Variants in TTC39B observed in about 807,000 individuals in gnomAD.
TTC39B encodes tetratricopeptide repeat protein 39B.
A neutral mutation model predicts 96.6 loss-of-function variants in TTC39B; 92 were observed. That is an observed-to-expected ratio of 0.95 (90% CI 0.80 to 1.13). The LOEUF is 1.13. TTC39B is among the 50% of genes most tolerant of loss of function. The pLI, the probability that TTC39B is intolerant of heterozygous loss-of-function variation, is 0.00. For synonymous variants in TTC39B, 367 were observed against 299.4 expected (o/e 1.23, Z -2.33); for missense variants, 955 against 809.3 (o/e 1.18, Z -2.18).
intron 17 of TTC39B, 28 bp from the exon 18 acceptor site, chr9:15,177,842 C>A: frequency 7.3e-6 from 9 of 1,238,682 alleles, no homozygotes; most frequent in Non-Finnish European, 9.1e-6. Flanking sequence ...ACAAAGAAAA[C>A]ACACAAAGAA....
intron 13 of TTC39B, among the ~76,000 whole-genome samples, chr9:15,188,480 A>C (rs1277378801): frequency 2.0e-5 from 3 of 152,246 alleles, no homozygotes; most frequent in Non-Finnish European, 2.9e-5. Context: ...GACAGGAAGA[A>C]GATGTCACTA....
At chr9:15,249,841 A>C in intron 2 of TTC39B, 1 of 1,082,672 alleles carries the variant, frequency 9.2e-7, no homozygotes, top group South Asian at 2.1e-5. Context: ...GCCTTCCTTA[A>C]ATTAAACCCT....
chr9:15,265,138 T>G (rs2131544960), intron 2 of TTC39B, among the ~76,000 whole-genome samples: 1 of 152,314 alleles, frequency 6.6e-6, no homozygotes, highest in South Asian at 2.1e-4. Context: ...CTAAATTAAC[T>G]TCAGCTGGGT....
chr9:15,218,607 G>C (rs1820659927), intron 3 of TTC39B, among the ~76,000 whole-genome samples: 1 of 142,218 alleles, frequency 7.0e-6, no homozygotes, highest in South Asian at 2.2e-4. Context: ...GTTAAGTTAA[G>C]GCAGGATGAA....
intron 2 of TTC39B, among the ~76,000 whole-genome samples, chr9:15,227,398 A>G (rs1209624627): frequency 6.6e-6 from 1 of 151,652 alleles, no homozygotes; most frequent in African/African-American, 2.4e-5. Context: ...TTCCCAATGC[A>G]CTCTAATATT....
intron 3 of TTC39B, among the ~76,000 whole-genome samples, chr9:15,223,834 G>T (rs568891505): frequency 6.8e-6 from 1 of 147,028 alleles, no homozygotes; most frequent in Non-Finnish European, 1.5e-5. Flanking sequence ...GCACCCACAT[G>T]ACACTCAAAA....
intron 1 of TTC39B, among the ~76,000 whole-genome samples, chr9:15,272,953 C>G (rs1050656901): frequency 2.6e-5 from 4 of 152,184 alleles, no homozygotes; most frequent in Non-Finnish European, 5.9e-5. Context: ...TGAACCCTAC[C>G]TCTGCCTCCA....
In TTC39B at chr9:15,192,970, C is replaced by T. The variant is rs556603275; in HGVS notation, c.825-275G>A. 5.3e-5 allele frequency among the ~76,000 whole-genome samples: 8 copies of T among 152,280 alleles called. No homozygotes were observed. The East Asian group carries it at 1.5e-3, about 29-fold the overall frequency. On this transcript the variant is annotated intron_variant, in intron 8 of 19. Transcript: ENST00000512701. ...CCATTGGCAAGCACCAGCCAGGAGC[C>T]GCAGGACCACAGGCTGCCATCCCAC... is the stretch of plus-strand genomic sequence containing the variant.
intron 11 of TTC39B, among the ~76,000 whole-genome samples, chr9:15,190,287 T>C (rs543313363): frequency 2.6e-5 from 4 of 152,230 alleles, no homozygotes; most frequent in Non-Finnish European, 5.9e-5. Flanking sequence ...TTGCTGATCT[T>C]TCTAAATTTT....
At chr9:15,198,317 C>A (rs1259020708) in intron 8 of TTC39B, among the ~76,000 whole-genome samples, 1 of 151,674 alleles carries the variant, frequency 6.6e-6, no homozygotes, top group Non-Finnish European at 1.5e-5. Flanking sequence ...ATTAGCTGGC[C>A]GTGGTGGTAT....
At chr9:15,305,956 C>T (rs1376918097) in intron 1 of TTC39B, among the ~76,000 whole-genome samples, 1 of 152,068 alleles carries the variant, frequency 6.6e-6, no homozygotes, top group East Asian at 1.9e-4. Flanking sequence ...GACAGCCCGG[C>T]TTGCCCTCTT....
At chr9:15,213,422 C>T (rs1820322137) in intron 4 of TTC39B, among the ~76,000 whole-genome samples, 1 of 152,164 alleles carries the variant, frequency 6.6e-6, no homozygotes, top group Non-Finnish European at 1.5e-5. Context: ...ACACAATTAC[C>T]ATAGCAGCTC....
chr9:15,292,429 G>A (rs185869906), intron 1 of TTC39B, among the ~76,000 whole-genome samples: 22 of 152,242 alleles, frequency 1.4e-4, no homozygotes, highest in Non-Finnish European at 2.2e-4. Context: ...ATACAATTAT[G>A]TATAGTACAG....
At chr9:15,188,603 A>G (rs1326513534) in intron 13 of TTC39B, among the ~76,000 whole-genome samples, 1 of 152,234 alleles carries the variant, frequency 6.6e-6, no homozygotes, top group Non-Finnish European at 1.5e-5. Context: ...GGCAAATCAG[A>G]AAAAAATATA....
chr9:15,198,207 C>G (rs375585364), intron 8 of TTC39B, among the ~76,000 whole-genome samples: 2 of 152,144 alleles, frequency 1.3e-5, no homozygotes, highest in East Asian at 3.9e-4. Context: ...GCCTGTAATC[C>G]CAGCGCTTTG....
Position 15,212,815 on chromosome 9 carries a change from T to G in TTC39B, c.482+1324A>C, listed in dbSNP as rs1231710102. Among the ~76,000 whole-genome samples the G allele has an allele frequency of 2.0e-5, 3 of 152,192 alleles. No individual in the cohort carries two copies. In the East Asian group the frequency reaches 5.8e-4, roughly 29 times the overall value. On this transcript the variant is annotated intron_variant, in intron 4 of 19. Coordinates refer to ENST00000512701, the Ensembl canonical transcript of TTC39B. Reference sequence around the variant, plus strand: ...CATGTTATGACCAGCTGTGTGTCAGTGGCAGAGAAAGACTCGTTTGAATAA... The same window carrying G: ...CATGTTATGACCAGCTGTGTGTCAGGGGCAGAGAAAGACTCGTTTGAATAA...
chr9:15,234,422 C>A (rs1320462092), intron 2 of TTC39B, among the ~76,000 whole-genome samples: 1 of 149,782 alleles, frequency 6.7e-6, no homozygotes, highest in Non-Finnish European at 1.5e-5. Context: ...GTCAGCCCCC[C>A]GCCCGGCCAG....
chr9:15,189,445 A>ATTTTTTTT, intron 13 of TTC39B, 129 bp downstream of exon 13: 1 of 902,246 alleles, frequency 1.1e-6, no homozygotes. Context: ...TTACTTATAT[A>ATTTTTTTT]TTTTTTTCTT....
chr9:15,202,326 G>T (rs952103642), intron 7 of TTC39B, among the ~76,000 whole-genome samples: 4 of 152,120 alleles, frequency 2.6e-5, no homozygotes, highest in Admixed American at 6.5e-5. Context: ...TAGGAAACAG[G>T]GTCATGGGCT....
Sources: gnomAD v4.1 joint callset for allele counts (sites outside exome capture counted in the v4.1 genomes callset) on GRCh38, gnomAD v4.1.1 for gene constraint, MANE v1.5 for transcripts, NCBI Gene and HGNC (gene_info 2026-07-23, HGNC 2026-07-21) for gene names.